The following SCAI variants were observed in gnomAD, a reference collection of about 807,000 sequenced individuals.
SCAI encodes the protein protein SCAI.
In SCAI, 24 loss-of-function variants were observed where a neutral mutation model predicts 92.2. That is an observed-to-expected ratio of 0.26 (90% CI 0.19 to 0.37). The LOEUF is 0.37. SCAI is among the 10% of genes least tolerant of loss of function. SCAI has a pLI of 1.00. For missense variants in SCAI, 450 were observed against 736.2 expected, an observed-to-expected ratio of 0.61 and a Z score of 4.50; for synonymous variants, 261 against 258.6, an observed-to-expected ratio of 1.01 and a Z score of -0.09.
intron 3 of SCAI, among the ~76,000 whole-genome samples, chr9:125,043,595 G>A (rs1428213856): frequency 6.6e-6 from 1 of 152,136 alleles, no homozygotes; most frequent in African/African-American, 2.4e-5. Context: ...TGAGTAGCTG[G>A]GACTACAGGT....
At chr9:125,042,627 G>GTGTGTGTGTT (rs1554783826) in intron 3 of SCAI, among the ~76,000 whole-genome samples, 3 of 98,896 alleles carry the variant, frequency 3.0e-5, no homozygotes, top group Non-Finnish European at 5.8e-5. Context: ...GTGTGTGTGT[G>GTGTGTGTGTT]TGTGTGTACA....
intron 3 of SCAI, among the ~76,000 whole-genome samples, chr9:125,043,376 AT>A (rs1833368045): frequency 6.6e-6 from 1 of 152,224 alleles, no homozygotes; most frequent in African/African-American, 2.4e-5. Context: ...ACCAAACTGC[AT>A]TTGAGACTTC....
chr9:124,983,866 C>G (rs1462992552), intron 14 of SCAI, among the ~76,000 whole-genome samples: 2 of 152,188 alleles, frequency 1.3e-5, no homozygotes, highest in African/African-American at 4.8e-5. Flanking sequence ...AATTACTTAA[C>G]CTTTATCTGT....
intron 14 of SCAI, among the ~76,000 whole-genome samples, chr9:124,982,997 T>C (rs2131603477): frequency 6.6e-6 from 1 of 151,854 alleles, no homozygotes; most frequent in East Asian, 1.9e-4. Flanking sequence ...TACACAAAAT[T>C]TAAAAATTAG....
chr9:125,093,453 T>C (rs1044977389), intron 2 of SCAI, among the ~76,000 whole-genome samples: 1 of 152,178 alleles, frequency 6.6e-6, no homozygotes, highest in Non-Finnish European at 1.5e-5. Flanking sequence ...AACGTGGAAA[T>C]GTTGGAGTGT....
At chr9:125,017,777 G>C (rs1287540634) in intron 9 of SCAI, among the ~76,000 whole-genome samples, 2 of 152,058 alleles carry the variant, frequency 1.3e-5, no homozygotes, top group East Asian at 1.9e-4. Context: ...GGGAGGCTGA[G>C]GCAGGAGGAT....
intron 2 of SCAI, among the ~76,000 whole-genome samples, chr9:125,098,208 C>T (rs549222783): frequency 6.6e-5 from 10 of 152,048 alleles, no homozygotes; most frequent in African/African-American, 2.4e-4. Context: ...ATGCACACCA[C>T]AACACCTGGA....
chr9:125,142,951 C>T (rs1304488531), intron 1 of SCAI, among the ~76,000 whole-genome samples: 2 of 152,016 alleles, frequency 1.3e-5, no homozygotes, highest in Non-Finnish European at 2.9e-5. Context: ...GCCCAGCTCC[C>T]CAAAATCACC....
chr9:125,051,439 T>C (rs1369845411), intron 3 of SCAI, among the ~76,000 whole-genome samples: 1 of 152,226 alleles, frequency 6.6e-6, no homozygotes, highest in Non-Finnish European at 1.5e-5. Context: ...ATTATTAGTA[T>C]TGTAAAATTT....
chr9:124,996,997 C>T (rs983931617), intron 13 of SCAI, among the ~76,000 whole-genome samples: 2 of 152,156 alleles, frequency 1.3e-5, no homozygotes, highest in Non-Finnish European at 2.9e-5. Flanking sequence ...AACTGAGAGG[C>T]TGCACCCTTT....
At chr9:125,135,980 A>C (rs1317287804) in intron 2 of SCAI, among the ~76,000 whole-genome samples, 2 of 151,828 alleles carry the variant, frequency 1.3e-5, no homozygotes, top group African/African-American at 2.4e-5. Context: ...ACAAAAAAAA[A>C]AAAAACAAAA....
intron 2 of SCAI, among the ~76,000 whole-genome samples, chr9:125,115,525 A>C (rs1382704157): frequency 6.6e-6 from 1 of 152,182 alleles, no homozygotes; most frequent in African/African-American, 2.4e-5. Flanking sequence ...AATACCATGT[A>C]ACAGTTTAAA....
chr9:125,130,711 C>T (rs1201129798), intron 2 of SCAI, among the ~76,000 whole-genome samples: 2 of 151,084 alleles, frequency 1.3e-5, no homozygotes, highest in Non-Finnish European at 3.0e-5. Context: ...TAGTAGAGAC[C>T]TGACCTCATG....
At chr9:124,965,531 G>A (rs963639153) in intron 17 of SCAI, among the ~76,000 whole-genome samples, 5 of 152,096 alleles carry the variant, frequency 3.3e-5, no homozygotes, top group Non-Finnish European at 5.9e-5. Context: ...TACTGTGCCC[G>A]GCCTGTAAGT....
intron 2 of SCAI, among the ~76,000 whole-genome samples, chr9:125,111,131 T>C (rs553118560): frequency 2.0e-5 from 3 of 152,032 alleles, no homozygotes; most frequent in South Asian, 2.1e-4. Flanking sequence ...TATGAGTAAA[T>C]TGAATTCAGC....
chr9:125,071,256 TG>T (rs1674494331), intron 2 of SCAI, among the ~76,000 whole-genome samples: 1 of 152,116 alleles, frequency 6.6e-6, no homozygotes, highest in African/African-American at 2.4e-5. Context: ...AAAATCAGCC[TG>T]GCATGGTGTT....
At chr9:125,005,495 C>T (rs1832485442) in intron 9 of SCAI, among the ~76,000 whole-genome samples, 1 of 152,096 alleles carries the variant, frequency 6.6e-6, no homozygotes, top group Non-Finnish European at 1.5e-5. Context: ...CCATGCCCAG[C>T]TAATTTTGTA....
chr9:124,987,453 A>G (rs1342933986), intron 14 of SCAI, among the ~76,000 whole-genome samples: 4 of 152,116 alleles, frequency 2.6e-5, no homozygotes, highest in African/African-American at 9.7e-5. Context: ...TTGTTACACA[A>G]ATATTGGTAT....
intron 2 of SCAI, among the ~76,000 whole-genome samples, chr9:125,128,441 G>A (rs1460227293): frequency 6.6e-6 from 1 of 152,116 alleles, no homozygotes; most frequent in African/African-American, 2.4e-5. Flanking sequence ...CCAACATGGT[G>A]AAACCCCATC....
Sources: gnomAD v4.1 joint callset for allele counts (sites outside exome capture counted in the v4.1 genomes callset) on GRCh38, gnomAD v4.1.1 for gene constraint, MANE v1.5 for transcripts, NCBI Gene and HGNC (gene_info 2026-07-23, HGNC 2026-07-21) for gene names.